Variants in ZFAT observed in about 807,000 individuals in gnomAD.
ZFAT encodes zinc finger and AT-hook domain containing, also known as zinc finger protein ZFAT.
A neutral mutation model predicts 117.7 loss-of-function variants in ZFAT; 64 were observed. That is an observed-to-expected ratio of 0.54 (90% confidence interval 0.44 to 0.67). ZFAT has a LOEUF of 0.67. Ranked by LOEUF, ZFAT falls within the 30% of genes least tolerant of loss-of-function variation. ZFAT has a pLI of 0.00. For synonymous variants in ZFAT, 679 were observed against 615.0 expected, an observed-to-expected ratio of 1.10 and a Z score of -1.54; for missense variants, 1,433 against 1,584.5, an observed-to-expected ratio of 0.90 and a Z score of 1.62.
intron 5 of ZFAT, among the ~76,000 whole-genome samples, chr8:134,605,835 C>T (rs1827847415): frequency 6.6e-6 from 1 of 152,168 alleles, no homozygotes; most frequent in African/African-American, 2.4e-5. Context: ...CAAGCACAGC[C>T]CTGCCCTCTG....
chr8:134,519,835 T>A (rs1441800045), intron 13 of ZFAT, among the ~76,000 whole-genome samples: 4 of 152,142 alleles, frequency 2.6e-5, no homozygotes, highest in African/African-American at 4.8e-5. Context: ...TTTTTTTTTT[T>A]ATCTTAAGGA....
the ZFAT span, among the ~76,000 whole-genome samples, chr8:134,759,310 G>C: frequency 6.6e-6 from 1 of 152,172 alleles, no homozygotes; most frequent in African/African-American, 2.4e-5. Flanking sequence ...AGAAGGGTCA[G>C]GCCTCATTCT....
chr8:134,566,262 C>T (rs1037097943), intron 10 of ZFAT, among the ~76,000 whole-genome samples: 3 of 151,862 alleles, frequency 2.0e-5, no homozygotes, highest in Admixed American at 6.6e-5. Flanking sequence ...GGCGCAGTCG[C>T]GGGTGCCTGT....
upstream of ZFAT, among the ~76,000 whole-genome samples, chr8:134,715,344 GC>G (rs1472778122): frequency 6.6e-6 from 1 of 152,162 alleles, no homozygotes; most frequent in East Asian, 1.9e-4. Context: ...TATTCCCATG[GC>G]ATTTTCTTCC....
chr8:134,625,960 G>A (rs143107688), intron 3 of ZFAT, among the ~76,000 whole-genome samples: 3 of 152,326 alleles, frequency 2.0e-5, no homozygotes, highest in Non-Finnish European at 4.4e-5. Flanking sequence ...ACTGTAGGAT[G>A]AGGCCACTCC....
chr8:134,705,209 T>C (rs1468310261), intron 1 of ZFAT, among the ~76,000 whole-genome samples: 1 of 152,140 alleles, frequency 6.6e-6, no homozygotes. Context: ...CTTACCTATT[T>C]ATTTATTTTT....
chr8:134,828,579 T>G, the ZFAT span, among the ~76,000 whole-genome samples: 14 of 152,340 alleles, frequency 9.2e-5, no homozygotes, highest in Non-Finnish European at 2.1e-4. Context: ...TGATTAGTTA[T>G]CCTTAATAAA....
the ZFAT span, among the ~76,000 whole-genome samples, chr8:134,775,491 G>A: frequency 1.3e-5 from 2 of 152,116 alleles, no homozygotes; most frequent in Non-Finnish European, 2.9e-5. Flanking sequence ...AGGCAAAAAT[G>A]GGGGAATTAA....
intron 11 of ZFAT, among the ~76,000 whole-genome samples, chr8:134,545,415 G>A (rs886106357): frequency 6.6e-6 from 1 of 152,142 alleles, no homozygotes; most frequent in Non-Finnish European, 1.5e-5. Context: ...AGCTAGTCCA[G>A]GAGCCAAGGT....
At chr8:134,587,253 C>T (rs1055928279) in intron 9 of ZFAT, among the ~76,000 whole-genome samples, 3 of 152,132 alleles carry the variant, frequency 2.0e-5, no homozygotes, top group African/African-American at 7.2e-5. Flanking sequence ...TCTGCCTTCT[C>T]GGAATGGCCC....
chr8:134,564,026 C>T (rs1261715219), intron 11 of ZFAT, among the ~76,000 whole-genome samples: 1 of 152,022 alleles, frequency 6.6e-6, no homozygotes, highest in Non-Finnish European at 1.5e-5. Flanking sequence ...CTACCTGAGA[C>T]ACCCTGTAGT....
the ZFAT span, among the ~76,000 whole-genome samples, chr8:134,782,083 G>C: frequency 2.7e-4 from 41 of 152,184 alleles, no homozygotes; most frequent in Non-Finnish European, 4.4e-4. Flanking sequence ...AAGGTCAACT[G>C]TATATTGCCT....
chr8:134,793,569 C>A, the ZFAT span: 1 of 152,234 alleles, frequency 6.6e-6, no homozygotes, highest in Non-Finnish European at 1.5e-5. Context: ...AGATCCCTCA[C>A]ACGCACAGTT....
chr8:134,727,567 C>CT, the ZFAT span, among the ~76,000 whole-genome samples: 1 of 152,242 alleles, frequency 6.6e-6, no homozygotes, highest in South Asian at 2.1e-4. Flanking sequence ...AATTATAATG[C>CT]TTTTTAAAGT....
intron 11 of ZFAT, among the ~76,000 whole-genome samples, chr8:134,543,444 T>C (rs1253911354): frequency 6.6e-6 from 1 of 152,286 alleles, no homozygotes; most frequent in East Asian, 1.9e-4. Flanking sequence ...TTCAAGCCAT[T>C]CCTTTTTGAC....
the ZFAT span, among the ~76,000 whole-genome samples, chr8:134,820,299 C>G: frequency 6.6e-6 from 1 of 151,850 alleles, no homozygotes; most frequent in Non-Finnish European, 1.5e-5. Context: ...CAGGAAAGAT[C>G]CTCAACTTCA....
At chr8:134,499,823 A>T (rs936243352) in intron 15 of ZFAT, among the ~76,000 whole-genome samples, 1 of 152,234 alleles carries the variant, frequency 6.6e-6, no homozygotes, top group Non-Finnish European at 1.5e-5. Context: ...CTTGTGAAGC[A>T]GGAGGCCACC....
intron 15 of ZFAT, among the ~76,000 whole-genome samples, chr8:134,490,401 G>A: frequency 6.6e-6 from 1 of 152,196 alleles, no homozygotes; most frequent in East Asian, 1.9e-4. Flanking sequence ...CCACGAAGAG[G>A]ACTAAAGACT....
intron 11 of ZFAT, among the ~76,000 whole-genome samples, chr8:134,554,100 C>A (rs572914829): frequency 6.6e-6 from 1 of 152,300 alleles, no homozygotes; most frequent in South Asian, 2.1e-4. Flanking sequence ...TGACTCTGCA[C>A]CCACCCAGAT....
Sources: allele counts gnomAD v4.1 joint callset (sites outside exome capture counted in the v4.1 genomes callset), GRCh38; gene constraint gnomAD v4.1.1; transcripts MANE v1.5; gene names NCBI Gene and HGNC (gene_info 2026-07-23, HGNC 2026-07-21).